The following MSRA variants were observed in gnomAD, a reference collection of about 807,000 sequenced individuals.
MSRA encodes the protein methionine sulfoxide reductase A.
MSRA carries 54 observed loss-of-function variants against 31.3 expected under a neutral mutation model. The ratio of observed to expected loss-of-function variants is 1.73; its 90% CI spans 1.39 to 2.17. The LOEUF is 2.17. Ranked by LOEUF, MSRA falls within the 30% of genes most tolerant of loss-of-function variation. The pLI is 0.00. For missense variants in MSRA, 507 were observed against 300.9 expected, an observed-to-expected ratio of 1.69 and a Z score of -5.07; for synonymous variants, 169 against 116.5, an observed-to-expected ratio of 1.45 and a Z score of -2.90.
At chr8:10,262,225 T>C (rs1300248571) in intron 3 of MSRA, among the ~76,000 whole-genome samples, 1 of 152,244 alleles carries the variant, frequency 6.6e-6, no homozygotes, top group African/African-American at 2.4e-5. Context: ...AGTTTTTAAC[T>C]CATTTGGACA....
rs78460436 is a variant in MSRA, at chr8:10,225,655, G to C, written c.211+17754G>C. Among the ~76,000 whole-genome samples, 556 of 152,266 alleles carry C rather than the reference G, an allele frequency of 3.7e-3. 4 individuals carry two copies. The highest frequency in any genetic ancestry group is 0.012 in the African/African-American group (514 of 41,556). On this transcript the variant is annotated intron_variant, in intron 2 of 5. Transcript: ENST00000317173. ...AGGGAACTTCTGAAAACTTCTTTGG[G>C]CTTTAGCTGTTGATGGGCCGATGTT...
intron 2 of MSRA, among the ~76,000 whole-genome samples, chr8:10,210,564 CT>C (rs1563221928): frequency 6.6e-6 from 1 of 152,178 alleles, no homozygotes; most frequent in African/African-American, 2.4e-5. Context: ...GGCTATCATG[CT>C]TTTCCATTTG....
intron 1 of MSRA, among the ~76,000 whole-genome samples, chr8:10,153,426 G>A (rs1430737708): frequency 2.6e-5 from 4 of 151,940 alleles, no homozygotes; most frequent in African/African-American, 7.3e-5. Flanking sequence ...TGGTCCACCC[G>A]ACCTATTTTT....
intron 5 of MSRA, among the ~76,000 whole-genome samples, chr8:10,340,143 G>A (rs1585522344): frequency 6.6e-6 from 1 of 152,236 alleles, no homozygotes; most frequent in East Asian, 1.9e-4. Context: ...TGAGACCACG[G>A]AGCCACAGCC....
Position 10,319,828 on chromosome 8 carries a change from G to T in MSRA, c.437-55G>T. 2 of 1,087,102 alleles carry T rather than the reference G, an allele frequency of 1.8e-6. 1 individual carries two copies. The highest frequency in any genetic ancestry group is 4.4e-5 in the South Asian group (2 of 45,572). The allele number at this position is 1,087,102 out of a possible 1,614,324, so 67.3% of individuals were successfully genotyped here. A position where few individuals can be genotyped will look rare whatever the true frequency, so the allele number is the denominator to read the frequency against. ...TGTCTCAGCATTGTGCCCAGTTTGA[G>T]ACTGGCACTGTCGCCTAGTGACCGG... On this transcript the variant is annotated intron_variant, in intron 4 of 5. Transcript: ENST00000317173.
At chr8:10,130,049 G>A (rs1454699112) in intron 1 of MSRA, among the ~76,000 whole-genome samples, 1 of 152,160 alleles carries the variant, frequency 6.6e-6, no homozygotes, top group Non-Finnish European at 1.5e-5. Flanking sequence ...TGGATAATTG[G>A]AGACATGGGT....
At chr8:10,363,803 C>T (rs985455191) in intron 5 of MSRA, among the ~76,000 whole-genome samples, 2 of 134,348 alleles carry the variant, frequency 1.5e-5, no homozygotes, top group African/African-American at 2.7e-5. Flanking sequence ...TGGTGCGCAC[C>T]CACCTGTAGT....
intron 1 of MSRA, among the ~76,000 whole-genome samples, chr8:10,142,244 C>G (rs1406506863): frequency 6.6e-6 from 1 of 152,196 alleles, no homozygotes; most frequent in Non-Finnish European, 1.5e-5. Context: ...AGGCATGAGC[C>G]ACCGTGCCTG....
chr8:10,107,465 G>T (rs1234571526), intron 1 of MSRA, among the ~76,000 whole-genome samples: 1 of 152,064 alleles, frequency 6.6e-6, no homozygotes, highest in Non-Finnish European at 1.5e-5. Context: ...CTAGCAAAGA[G>T]GTCCATAATG....
chr8:10,124,167 C>T lies in MSRA; in HGVS notation c.142+69509C>T, dbSNP rs538602855. ...CATAGAGGCAAAGGGGTTTCAAGAC[C>T]TTCTTTGGGGACATTGAGACCACCC... On this transcript the variant is annotated intron_variant, in intron 1 of 5. Coordinates refer to ENST00000317173, the MANE Select transcript of MSRA (RefSeq NM_012331.5). Among the ~76,000 whole-genome samples, 4 of 152,152 alleles carry T rather than the reference C, an allele frequency of 2.6e-5. No individual in the cohort carries two copies. The South Asian group carries it at 8.3e-4, about 32-fold the overall frequency.
rs536594314 is a variant in MSRA at position 10,378,492 on chromosome 8, C to A, written c.544-49656C>A. ...CCTATCAGGGTGGCATCTCCAGTGA[C>A]CTTGCTGAGTTGGTGACTTTGACGG... On this transcript the variant is annotated intron_variant, in intron 5 of 5. Coordinates refer to ENST00000317173, the MANE Select transcript of MSRA (RefSeq NM_012331.5). Among the ~76,000 whole-genome samples the A allele has an allele frequency of 6.6e-5, 10 of 152,202 alleles. No individual in the cohort carries two copies. The East Asian group carries it at 1.9e-3, about 29-fold the overall frequency.
At chr8:10,319,362 C>A (rs753347400) in intron 4 of MSRA, among the ~76,000 whole-genome samples, 42 of 152,078 alleles carry the variant, frequency 2.8e-4, no homozygotes, top group Non-Finnish European at 5.4e-4. Flanking sequence ...ATGCTCTTTG[C>A]TGACTTTAAG....
Position 10,415,938 on chromosome 8 carries a change from C to T in MSRA, c.544-12210C>T, listed in dbSNP as rs775518525. Among the ~76,000 whole-genome samples the T allele has an allele frequency of 2.6e-4, 40 of 152,106 alleles. 1 individual carries two copies. Among genetic ancestry groups the T allele is most frequent in the Non-Finnish European group, 8.8e-5 (6 of 68,040 alleles). ...AGGACTGTTTGCACCTCCATTTCCG[C>T]ACATCCCCTCTGCCTCGCGTGGTGG... On this transcript the variant is annotated intron_variant, in intron 5 of 5. Transcript: ENST00000317173.
intron 2 of MSRA, among the ~76,000 whole-genome samples, chr8:10,211,325 G>T (rs1014692568): frequency 6.6e-6 from 1 of 152,154 alleles, no homozygotes; most frequent in African/African-American, 2.4e-5. Context: ...TAGCCCAACA[G>T]TTAGTTTTTC....
intron 2 of MSRA, among the ~76,000 whole-genome samples, chr8:10,224,458 T>A (rs553756424): frequency 1.3e-4 from 19 of 151,792 alleles, no homozygotes; most frequent in African/African-American, 2.9e-4. Flanking sequence ...AGAGCTTGAT[T>A]TTCCTATTTA....
At chr8:10,321,772 G>A (rs771037420) in intron 5 of MSRA, among the ~76,000 whole-genome samples, 5 of 152,140 alleles carry the variant, frequency 3.3e-5, no homozygotes, top group Non-Finnish European at 5.9e-5. Context: ...ACAAAAGCCT[G>A]CCAAGAACTA....
Position 10,339,384 on chromosome 8 carries a change from G to T in MSRA, c.543+19395G>T, listed in dbSNP as rs147980341. 2.1e-3 allele frequency among the ~76,000 whole-genome samples: 326 copies of T among 152,156 alleles called. 2 individuals are homozygous for T. The highest frequency in any genetic ancestry group is 3.5e-3 in the Non-Finnish European group (236 of 68,004). On this transcript the variant is annotated intron_variant, in intron 5 of 5. Coordinates refer to ENST00000317173, the MANE Select transcript of MSRA (RefSeq NM_012331.5). ...TGAGTTTCCAAAACTTATGATTCAG[G>T]TCCACATTGGCTGCTTTTGAATTGG... is the stretch of plus-strand genomic sequence containing the variant.
At chr8:10,209,208 A>G (rs1809269706) in intron 2 of MSRA, among the ~76,000 whole-genome samples, 1 of 152,250 alleles carries the variant, frequency 6.6e-6, no homozygotes, top group Admixed American at 6.5e-5. Context: ...TTCCTGTCCC[A>G]GCATGGTGTC....
rs140639775 is a variant in MSRA at position 10,415,784 on chromosome 8, C to T, written c.544-12364C>T. 2.7e-3 allele frequency among the ~76,000 whole-genome samples: 413 copies of T among 151,964 alleles called. 2 individuals are homozygous for T. The highest frequency in any genetic ancestry group is 9.7e-3 in the African/African-American group (401 of 41,446). ...CCCCCAGCCTCCATGTGTTTGGTCA[C>T]GGAGTTTCTTCTGCTTGGAGCATGC... On this transcript the variant is annotated intron_variant, in intron 5 of 5. Transcript: ENST00000317173.
Sources: allele counts gnomAD v4.1 joint callset (sites outside exome capture counted in the v4.1 genomes callset), GRCh38; gene constraint gnomAD v4.1.1; transcripts MANE v1.5; gene names NCBI Gene and HGNC (gene_info 2026-07-23, HGNC 2026-07-21).